MSH3: variants seen among roughly 807,000 people sequenced by gnomAD.
MSH3 encodes the protein mutS homolog 3, also known as DNA mismatch repair protein Msh3.
In MSH3, 106 loss-of-function variants were observed where a neutral mutation model predicts 123.3. That is an observed-to-expected ratio of 0.86 (90% CI 0.73 to 1.01). The LOEUF is 1.01. MSH3 is among the 50% of genes least tolerant of loss of function. The pLI, the probability that MSH3 is intolerant of heterozygous loss-of-function variation, is 0.00. For synonymous variants in MSH3, 515 were observed against 481.4 expected, an observed-to-expected ratio of 1.07 and a Z score of -0.91; for missense variants, 1,459 against 1,347.6, an observed-to-expected ratio of 1.08 and a Z score of -1.29.
intron 2 of MSH3, among the ~76,000 whole-genome samples, chr5:80,657,994 T>C (rs1042556203): frequency 5.3e-5 from 8 of 151,750 alleles, no homozygotes; most frequent in African/African-American, 1.9e-4. Context: ...TTCTAGAGGC[T>C]TTTTGTAGCT....
intron 12 of MSH3, among the ~76,000 whole-genome samples, chr5:80,749,788 A>T (rs899587378): frequency 2.6e-5 from 4 of 152,166 alleles, no homozygotes; most frequent in Non-Finnish European, 4.4e-5. Context: ...TAGTCACCGT[A>T]CTATGCAATA....
rs1746299841 is a variant in MSH3, at chr5:80,875,840, C to A, written c.3392C>A (p.Thr1131Lys). 6.2e-7 allele frequency: 1 copy of A among 1,607,958 alleles called. No homozygotes were observed. Among genetic ancestry groups the A allele is most frequent in the Non-Finnish European group, 8.5e-7 (1 of 1,174,506 alleles). ...KWTEEFNMEE[T>K]QTSLLH ...ACAGAGGAGTTCAACATGGAAGAAA[C>A]ACAGACTTCTCTTCTTCATTAAAAT... The change falls in exon 24 of 24, where the codon ACA (threonine) becomes AAA (lysine). Residue 1131 changes from threonine (T) to lysine (K), a missense_variant. Transcript: ENST00000265081.
rs767359174 is a variant in MSH3 at position 80,813,644 on chromosome 5, A to C, written c.2716A>C (p.Ile906Leu). 1.2e-6 allele frequency: 2 copies of C among 1,614,110 alleles called. No homozygotes were observed. The highest frequency in any genetic ancestry group is 2.2e-5 in the South Asian group (2 of 91,090). The change falls in exon 20 of 24, where the codon ATA (isoleucine) becomes CTA (leucine). Residue 906 changes from isoleucine to leucine, a missense_variant. Ile to Leu is a conservative substitution (Grantham distance 5). Transcript: ENST00000265081. ...GPNMGGKSSY[I>L]KQVALITIMA... ...AAACATGGGTGGAAAGAGCTCCTAC[A>C]TAAAACAAGTTGCATTGATTACCAT...
rs548589845 is a variant in MSH3 at position 80,854,205 on chromosome 5, C to T, written c.2889C>T (p.Ile963=). The T allele has an allele frequency of 1.2e-6, 2 of 1,613,730 alleles. No individual in the cohort carries two copies. The highest frequency in any genetic ancestry group is 2.7e-5 in the African/African-American group (2 of 74,974). Residue 963 remains isoleucine, a synonymous_variant, in exon 21 of 24, where the codon ATC becomes ATT. Coordinates refer to ENST00000265081, the MANE Select transcript of MSH3 (RefSeq NM_002439.5). ...MEELTDTAEI[I]RKATSQSLVI... ...AACTGACTGACACAGCAGAAATAAT[C>T]AGAAAAGCAACATCACAGTCCTTGG... is the stretch of plus-strand genomic sequence containing the variant.
At position 80,792,816 on chromosome 5, in the gene MSH3, A is replaced by C. The variant is rs1580053746; in HGVS notation, c.2627A>C (p.Gln876Pro). The C allele has an allele frequency of 9.9e-6, 16 of 1,611,762 alleles. No individual in the cohort carries two copies. The highest frequency in any genetic ancestry group is 1.3e-5 in the Non-Finnish European group (15 of 1,178,020). The change falls in exon 19 of 24, where the codon CAA (glutamine) becomes CCA (proline). Residue 876 changes from glutamine (Q) to proline (P), a missense_variant. Transcript: ENST00000265081. ...VIDVLLGEQDQYVPNNTDLSE... is the reference protein window; with the variant it reads ...VIDVLLGEQDPYVPNNTDLSE... ...GATGTGTTGCTGGGAGAACAGGATCAATATGTCCCAAATAATACAGATTTA... is the reference window on the plus strand; with the variant it reads ...GATGTGTTGCTGGGAGAACAGGATCCATATGTCCCAAATAATACAGATTTA...
intron 8 of MSH3, among the ~76,000 whole-genome samples, chr5:80,704,230 C>A (rs1750672268): frequency 6.6e-6 from 1 of 152,176 alleles, no homozygotes; most frequent in African/African-American, 2.4e-5. Flanking sequence ...TTCCCAGGTC[C>A]TACAAGGTCC....
At chr5:80,725,214 C>CAA (rs33919693) in intron 8 of MSH3, among the ~76,000 whole-genome samples, 8 of 99,036 alleles carry the variant, frequency 8.1e-5, no homozygotes, top group Non-Finnish European at 1.0e-4. Context: ...GACTCCATCT[C>CAA]AAAAAAAAAA....
chr5:80,846,916 C>A (rs1270398912), intron 20 of MSH3, among the ~76,000 whole-genome samples: 1 of 152,198 alleles, frequency 6.6e-6, no homozygotes, highest in Middle Eastern at 3.2e-3. Context: ...CGTCCATAGG[C>A]TGCACCCACT....
In MSH3 at chr5:80,664,385, A is replaced by G. The variant is rs185452218; in HGVS notation, c.359-758A>G. On this transcript the variant is annotated intron_variant, in intron 2 of 23. Coordinates refer to ENST00000265081, the MANE Select transcript of MSH3 (RefSeq NM_002439.5). Reference sequence around the variant, plus strand: ...GAGCTAGTAAGATTTCCCAGTCAAGAGTCCTCCCAGCTTCTGCCTGGAGGG... The same window carrying G: ...GAGCTAGTAAGATTTCCCAGTCAAGGGTCCTCCCAGCTTCTGCCTGGAGGG... Among the ~76,000 whole-genome samples, 195 of 152,254 alleles carry G rather than the reference A, an allele frequency of 1.3e-3. 1 individual carries two copies. The highest frequency in any genetic ancestry group is 2.4e-3 in the Non-Finnish European group (163 of 68,020).
chr5:80,810,771 C>G (rs1744996246), intron 19 of MSH3, among the ~76,000 whole-genome samples: 1 of 152,022 alleles, frequency 6.6e-6, no homozygotes, highest in Non-Finnish European at 1.5e-5. Context: ...TAATTTCTTT[C>G]AATAATGTTG....
At chr5:80,752,415 ATAGT>A (rs1382260230) in intron 12 of MSH3, among the ~76,000 whole-genome samples, 5 of 152,108 alleles carry the variant, frequency 3.3e-5, no homozygotes, top group Admixed American at 3.3e-4. Context: ...ATCTTTAGAG[ATAGT>A]TATTCTGTTT....
At chr5:80,725,082 C>T (rs1000989596) in intron 8 of MSH3, among the ~76,000 whole-genome samples, 11 of 151,716 alleles carry the variant, frequency 7.3e-5, no homozygotes, top group East Asian at 1.9e-4. Context: ...GGCGTGATGG[C>T]GGGCACCTGT....
chr5:80,675,193 A>G (rs2112816215), intron 7 of MSH3, 65 bp downstream of exon 7: 1 of 1,526,880 alleles, frequency 6.5e-7, no homozygotes, highest in Non-Finnish European at 9.1e-7. Flanking sequence ...ATGATCTATC[A>G]TGTATGGTTT....
At chr5:80,771,295 G>A (rs74578647) in intron 15 of MSH3, among the ~76,000 whole-genome samples, 2,090 of 152,148 alleles carry the variant, frequency 0.014, 23 homozygotes, top group Non-Finnish European at 0.018. Context: ...ACCTGCTTGG[G>A]CAACATAGCG....
chr5:80,775,103 A>T (rs1744276602), intron 15 of MSH3, among the ~76,000 whole-genome samples: 3 of 152,086 alleles, frequency 2.0e-5, no homozygotes, highest in East Asian at 1.9e-4. Flanking sequence ...CCACAAAAAT[A>T]AAAAAAAGAT....
intron 19 of MSH3, among the ~76,000 whole-genome samples, chr5:80,799,936 A>G (rs1580057355): frequency 6.6e-6 from 1 of 152,302 alleles, no homozygotes; most frequent in East Asian, 1.9e-4. Context: ...GGCACTTGTT[A>G]TCTGTGATTT....
chr5:80,803,777 T>A (rs1744835891), intron 19 of MSH3, among the ~76,000 whole-genome samples: 1 of 152,188 alleles, frequency 6.6e-6, no homozygotes, highest in Non-Finnish European at 1.5e-5. Flanking sequence ...AGGAGTCCAG[T>A]TTCATTCTTC....
chr5:80,721,700 CTT>C lies in MSH3; in HGVS notation c.1341-3749_1341-3748del, dbSNP rs750074524. ...GGTTTTAGTTTGGTTATTAAAGTCT[CTT>C]TTTATGGCAGGATTTAGGGAGACTG... is the stretch of plus-strand genomic sequence containing the variant. On this transcript the variant is annotated intron_variant, in intron 8 of 23. Transcript: ENST00000265081. Among the ~76,000 whole-genome samples, 15 of 152,232 alleles carry C rather than the reference CTT, an allele frequency of 9.9e-5. No individual in the cohort carries two copies. The East Asian group carries it at 2.7e-3, about 27-fold the overall frequency.
chr5:80,686,325 CAG>C (rs1315980874), intron 8 of MSH3, among the ~76,000 whole-genome samples: 2 of 151,890 alleles, frequency 1.3e-5, no homozygotes, highest in African/African-American at 4.8e-5. Flanking sequence ...TTTTTTGAGA[CAG>C]AGTCTTGCTC....
Sources: allele counts gnomAD v4.1 joint callset (sites outside exome capture counted in the v4.1 genomes callset), GRCh38; gene constraint gnomAD v4.1.1; transcripts MANE v1.5; gene names NCBI Gene and HGNC (gene_info 2026-07-23, HGNC 2026-07-21).